ABCD3: variants seen among roughly 807,000 people sequenced by gnomAD.
ABCD3 encodes ATP-binding cassette sub-family D member 3.
ABCD3 carries 41 observed loss-of-function variants against 105.5 expected under a neutral mutation model. The observed-to-expected ratio is 0.39, with a 90% CI of 0.30 to 0.50. The LOEUF is 0.50. Among genes scored for constraint, ABCD3 ranks in the 20% least tolerant of loss-of-function variants. The pLI, the probability that ABCD3 is intolerant of heterozygous loss-of-function variation, is 0.84. For synonymous variants in ABCD3, 258 were observed against 269.0 expected (o/e 0.96, Z 0.40); for missense variants, 622 against 806.3 (o/e 0.77, Z 2.77).
intron 8 of ABCD3, among the ~76,000 whole-genome samples, chr1:94,479,922 C>T (rs139999367): frequency 8.0e-4 from 121 of 151,998 alleles, no homozygotes; most frequent in Middle Eastern, 3.4e-3. Flanking sequence ...AAGATGTACA[C>T]GCAGGGAAAG....
the ABCD3 span, among the ~76,000 whole-genome samples, chr1:94,385,268 T>A: frequency 1.3e-5 from 2 of 152,154 alleles, no homozygotes; most frequent in African/African-American, 2.4e-5. Flanking sequence ...TGAGGTTATC[T>A]TGGAACTGGC....
chr1:94,490,345 C>A (rs1237759101), intron 15 of ABCD3, among the ~76,000 whole-genome samples: 1 of 151,922 alleles, frequency 6.6e-6, no homozygotes, highest in East Asian at 1.9e-4. Flanking sequence ...AGAATTTATT[C>A]TTCTGGCATC....
chr1:94,465,356 A>G (rs1648087462), intron 3 of ABCD3, among the ~76,000 whole-genome samples: 2 of 152,236 alleles, frequency 1.3e-5, no homozygotes, highest in African/African-American at 4.8e-5. Flanking sequence ...CTTTGGTTAT[A>G]CTATAGGTCA....
At chr1:94,479,410 T>C (rs1326618834) in intron 8 of ABCD3, among the ~76,000 whole-genome samples, 3 of 152,134 alleles carry the variant, frequency 2.0e-5, no homozygotes, top group Non-Finnish European at 2.9e-5. Context: ...GTTGTTGATA[T>C]GCATTGAATT....
rs191394739 is a variant in ABCD3, at chr1:94,419,821, A to G, written c.110+1233A>G. On this transcript the variant is annotated intron_variant, in intron 1 of 22. Coordinates refer to ENST00000370214, the MANE Select transcript of ABCD3 (RefSeq NM_002858.4). ...AACAGAGTTGAAAATGATTTGCAGC[A>G]TAGTCTGGGCAATAACAGCGCTTAC... 2.4e-3 allele frequency among the ~76,000 whole-genome samples: 371 copies of G among 152,328 alleles called. 1 individual carries two copies. Among genetic ancestry groups the G allele is most frequent in the African/African-American group, 7.9e-3 (327 of 41,568 alleles).
At chr1:94,467,559 G>A (rs1332896024) in intron 3 of ABCD3, among the ~76,000 whole-genome samples, 2 of 152,124 alleles carry the variant, frequency 1.3e-5, no homozygotes, top group Non-Finnish European at 2.9e-5. Context: ...CTTTGTTAAA[G>A]TTATATGTCA....
chr1:94,387,299 T>C, the ABCD3 span, among the ~76,000 whole-genome samples: 1 of 152,224 alleles, frequency 6.6e-6, no homozygotes, highest in Admixed American at 6.5e-5. Context: ...TTATTTACTT[T>C]GGTTTGGTGG....
intron 20 of ABCD3, among the ~76,000 whole-genome samples, chr1:94,504,680 G>A (rs1432634392): frequency 1.3e-5 from 2 of 152,166 alleles, no homozygotes. Flanking sequence ...AGGAGTTTGA[G>A]TTTTAAGTGA....
chr1:94,402,875 C>T, the ABCD3 span, among the ~76,000 whole-genome samples: 14 of 151,588 alleles, frequency 9.2e-5, no homozygotes, highest in South Asian at 1.5e-3. Flanking sequence ...CATATGTATA[C>T]GTGTGCCATG....
chr1:94,398,656 G>A, the ABCD3 span, among the ~76,000 whole-genome samples: 1 of 152,200 alleles, frequency 6.6e-6, no homozygotes, highest in Non-Finnish European at 1.5e-5. Context: ...GCTCACGCCT[G>A]TAATCCCATC....
At chr1:94,419,735 T>G (rs1659182891) in intron 1 of ABCD3, among the ~76,000 whole-genome samples, 1 of 152,212 alleles carries the variant, frequency 6.6e-6, no homozygotes, top group African/African-American at 2.4e-5. Flanking sequence ...CTAGCCGCCT[T>G]CTGTTTTTAT....
At chr1:94,385,820 G>A in the ABCD3 span, among the ~76,000 whole-genome samples, 72,522 of 151,872 alleles carry the variant, frequency 0.48, 17,904 homozygotes, top group Middle Eastern at 0.69. Flanking sequence ...TAAATGGTGC[G>A]GAGATGCATA....
At chr1:94,403,189 C>T in the ABCD3 span, among the ~76,000 whole-genome samples, 1 of 151,878 alleles carries the variant, frequency 6.6e-6, no homozygotes, top group South Asian at 2.1e-4. Flanking sequence ...ACAAAATGAT[C>T]CTCGTCTTAG....
chr1:94,418,173 G>A (rs866926089), upstream of ABCD3, among the ~76,000 whole-genome samples: 1 of 152,216 alleles, frequency 6.6e-6, no homozygotes, highest in African/African-American at 2.4e-5. Context: ...ACGCCTCGCA[G>A]GGCTGAGTAG....
chr1:94,418,646 C>G (rs1659122211), intron 1 of ABCD3, 58 bp downstream of exon 1: 1 of 1,513,978 alleles, frequency 6.6e-7, no homozygotes. Context: ...TCCCCGCGCG[C>G]TCTCTCTCCC....
intron 1 of ABCD3, among the ~76,000 whole-genome samples, chr1:94,452,615 A>C (rs1322992229): frequency 6.6e-6 from 1 of 152,230 alleles, no homozygotes; most frequent in Non-Finnish European, 1.5e-5. Context: ...ATTTTTGAAT[A>C]GGCAGTACAT....
chr1:94,453,482 C>T lies in ABCD3; in HGVS notation c.111-5125C>T, dbSNP rs1647365685. 2.6e-5 allele frequency among the ~76,000 whole-genome samples: 4 copies of T among 151,900 alleles called. No individual in the cohort carries two copies. The South Asian group carries it at 8.3e-4, about 32-fold the overall frequency. The stretch of plus-strand genomic sequence containing the variant: ...TACAGGTGCCCGCCACCTCGCCTGG[C>T]TAATTTTTTGTATTTTTAGTAGAGA... On this transcript the variant is annotated intron_variant, in intron 1 of 22. Coordinates refer to ENST00000370214, the MANE Select transcript of ABCD3 (RefSeq NM_002858.4).
chr1:94,506,795 T>C (rs1650376516), intron 21 of ABCD3, among the ~76,000 whole-genome samples, 153 bp downstream of exon 21: 1 of 151,866 alleles, frequency 6.6e-6, no homozygotes, highest in African/African-American at 2.4e-5. Flanking sequence ...AACATATGAA[T>C]AAAAGAAAAA....
intron 1 of ABCD3, among the ~76,000 whole-genome samples, chr1:94,441,471 T>C (rs1313756285): frequency 6.6e-6 from 1 of 152,150 alleles, no homozygotes; most frequent in Non-Finnish European, 1.5e-5. Flanking sequence ...TGCGTATGCA[T>C]TTATGTATTG....
Sources: allele counts gnomAD v4.1 joint callset (sites outside exome capture counted in the v4.1 genomes callset), GRCh38; gene constraint gnomAD v4.1.1; transcripts MANE v1.5; gene names NCBI Gene and HGNC (gene_info 2026-07-23, HGNC 2026-07-21).